Variants in GRM5 observed in about 807,000 individuals in gnomAD.
GRM5 encodes the protein glutamate metabotropic receptor 5, also known as metabotropic glutamate receptor 5.
A neutral mutation model predicts 83.1 loss-of-function variants in GRM5; 19 were observed. The ratio of observed to expected loss-of-function variants is 0.23; its 90% CI spans 0.16 to 0.34. GRM5 has a LOEUF of 0.34. GRM5 is among the 10% of genes least tolerant of loss of function. GRM5 has a pLI of 1.00. For missense variants in GRM5, 1,160 were observed against 1,588.3 expected (o/e 0.73, Z 4.58); for synonymous variants, 675 against 633.6 (o/e 1.07, Z -0.98).
At chr11:88,916,848 A>T (rs1338173800) in intron 2 of GRM5, among the ~76,000 whole-genome samples, 1 of 151,998 alleles carries the variant, frequency 6.6e-6, no homozygotes, top group Non-Finnish European at 1.5e-5. Context: ...ATCCATAAAG[A>T]CCCCAATACT....
intron 4 of GRM5, among the ~76,000 whole-genome samples, chr11:88,622,302 T>G (rs1938660894): frequency 6.6e-6 from 1 of 151,926 alleles, no homozygotes; most frequent in Non-Finnish European, 1.5e-5. Flanking sequence ...GATCCAAGAG[T>G]TAGAATAAAA....
At chr11:89,029,527 A>T (rs1456117516) in intron 2 of GRM5, among the ~76,000 whole-genome samples, 1 of 152,196 alleles carries the variant, frequency 6.6e-6, no homozygotes, top group Non-Finnish European at 1.5e-5. Context: ...ATAAATCTAT[A>T]GAATGCTTTT....
chr11:88,559,923 T>C (rs972265616), intron 8 of GRM5, among the ~76,000 whole-genome samples: 6 of 152,136 alleles, frequency 3.9e-5, no homozygotes, highest in African/African-American at 1.2e-4. Context: ...GGGAACTTAA[T>C]GCAGTCTCAG....
intron 3 of GRM5, among the ~76,000 whole-genome samples, chr11:88,721,564 A>T (rs1941540568): frequency 1.3e-5 from 2 of 152,246 alleles, no homozygotes; most frequent in South Asian, 4.1e-4. Flanking sequence ...TATACTGTTA[A>T]TATAAATGTT....
chr11:88,609,429 T>C (rs1938256970), intron 4 of GRM5, among the ~76,000 whole-genome samples: 1 of 152,174 alleles, frequency 6.6e-6, no homozygotes, highest in East Asian at 1.9e-4. Context: ...GATGGGCATC[T>C]TGGTTGATTA....
chr11:88,992,495 G>A (rs2135050507), intron 2 of GRM5, among the ~76,000 whole-genome samples: 1 of 152,278 alleles, frequency 6.6e-6, no homozygotes, highest in Non-Finnish European at 1.5e-5. Flanking sequence ...AATTCCATTT[G>A]ACCCAGCCAA....
intron 2 of GRM5, among the ~76,000 whole-genome samples, chr11:88,928,907 T>TATATATATATATATACAC (rs369951090): frequency 1.4e-5 from 2 of 138,670 alleles, no homozygotes; most frequent in African/African-American, 5.6e-5. Flanking sequence ...TATGTGTATA[T>TATATATATATATATACAC]ACACACACAC....
intron 3 of GRM5, among the ~76,000 whole-genome samples, chr11:88,675,079 T>G (rs1039189228): frequency 6.6e-5 from 10 of 152,152 alleles, no homozygotes; most frequent in African/African-American, 2.2e-4. Flanking sequence ...CAGTGCTTTT[T>G]GTTTTCATTT....
intron 6 of GRM5, among the ~76,000 whole-genome samples, chr11:88,590,950 AGAATT>A (rs887396381): frequency 6.6e-6 from 1 of 152,174 alleles, no homozygotes; most frequent in African/African-American, 2.4e-5. Flanking sequence ...GGCAGGATAA[AGAATT>A]AAATTAAATG....
intron 2 of GRM5, among the ~76,000 whole-genome samples, chr11:88,944,792 G>C (rs186197654): frequency 2.3e-4 from 35 of 151,882 alleles, no homozygotes; most frequent in Non-Finnish European, 3.4e-4. Context: ...TATCCCCCTA[G>C]AGAACTAGAA....
At chr11:88,866,038 C>G (rs752933680) in intron 2 of GRM5, among the ~76,000 whole-genome samples, 4 of 152,104 alleles carry the variant, frequency 2.6e-5, no homozygotes, top group Non-Finnish European at 5.9e-5. Flanking sequence ...ACCATTTAAT[C>G]CAGCAATCCC....
At chr11:88,814,694 A>G (rs1349045033) in intron 3 of GRM5, among the ~76,000 whole-genome samples, 2 of 152,226 alleles carry the variant, frequency 1.3e-5, no homozygotes, top group South Asian at 2.1e-4. Flanking sequence ...ATTTATAAAG[A>G]TAAAAAGAAT....
chr11:88,898,774 G>A (rs1398339444), intron 2 of GRM5, among the ~76,000 whole-genome samples: 1 of 151,834 alleles, frequency 6.6e-6, no homozygotes, highest in African/African-American at 2.4e-5. Flanking sequence ...CATTATATTT[G>A]AACTATATAT....
chr11:88,703,038 T>A (rs1941070316), intron 3 of GRM5, among the ~76,000 whole-genome samples: 1 of 152,078 alleles, frequency 6.6e-6, no homozygotes, highest in Non-Finnish European at 1.5e-5. Flanking sequence ...AATTGGGGGA[T>A]ATAATATCTT....
chr11:88,696,770 C>T (rs144237602), intron 3 of GRM5, among the ~76,000 whole-genome samples: 1 of 152,266 alleles, frequency 6.6e-6, no homozygotes, highest in African/African-American at 2.4e-5. Flanking sequence ...AGTGCTAGCA[C>T]AGTATTTGGC....
intron 4 of GRM5, among the ~76,000 whole-genome samples, chr11:88,644,401 A>T (rs577403134): frequency 2.6e-5 from 4 of 152,294 alleles, no homozygotes; most frequent in Non-Finnish European, 5.9e-5. Flanking sequence ...AGGCATTGGG[A>T]TAGGGATTTG....
intron 3 of GRM5, among the ~76,000 whole-genome samples, chr11:88,686,221 T>A (rs1940618856): frequency 1.3e-5 from 2 of 152,174 alleles, no homozygotes; most frequent in African/African-American, 4.8e-5. Flanking sequence ...AAGGAGATCA[T>A]TTTGAACCTT....
At chr11:88,518,507 C>T (rs1462930981) in intron 9 of GRM5, among the ~76,000 whole-genome samples, 2 of 151,842 alleles carry the variant, frequency 1.3e-5, no homozygotes, top group East Asian at 3.9e-4. Flanking sequence ...TAAATGGTTT[C>T]AGGGTCAAAT....
At chr11:88,993,305 T>C (rs1940056921) in intron 2 of GRM5, among the ~76,000 whole-genome samples, 2 of 151,390 alleles carry the variant, frequency 1.3e-5, no homozygotes, top group Non-Finnish European at 2.9e-5. Context: ...AGTTTCATTC[T>C]TTTATATATG....
Sources: gnomAD v4.1 joint callset for allele counts (sites outside exome capture counted in the v4.1 genomes callset) on GRCh38, gnomAD v4.1.1 for gene constraint, MANE v1.5 for transcripts, NCBI Gene and HGNC (gene_info 2026-07-23, HGNC 2026-07-21) for gene names.